Variants in TPR observed in about 807,000 individuals in gnomAD.
The protein encoded by TPR is nucleoprotein TPR.
TPR carries 51 observed loss-of-function variants against 316.1 expected under a neutral mutation model. The ratio of observed to expected loss-of-function variants is 0.16; its 90% CI spans 0.13 to 0.20. TPR has a LOEUF of 0.20. TPR is among the 10% of genes least tolerant of loss of function. TPR has a pLI of 1.00. For missense variants in TPR, 2,272 were observed against 2,754.8 expected (o/e 0.82, Z 3.92); for synonymous variants, 981 against 914.7 (o/e 1.07, Z -1.31).
At chr1:186,332,724 T>A (rs752063161) in intron 37 of TPR, among the ~76,000 whole-genome samples, 1 of 152,170 alleles carries the variant, frequency 6.6e-6, no homozygotes, top group Non-Finnish European at 1.5e-5. Flanking sequence ...GTACACTGTA[T>A]GTAAATCAGT....
intron 21 of TPR, among the ~76,000 whole-genome samples, chr1:186,348,640 C>A (rs533451466): frequency 6.6e-6 from 1 of 152,092 alleles, no homozygotes; most frequent in African/African-American, 2.4e-5. Context: ...GCCAGCATCA[C>A]GGTCCTAGAT....
intron 31 of TPR, 32 bp downstream of exon 31, chr1:186,338,001 T>A: frequency 1.3e-6 from 2 of 1,512,488 alleles, no homozygotes; most frequent in East Asian, 2.3e-5. Flanking sequence ...TCATCCTAGT[T>A]TTTTTTTGTA....
chr1:186,323,737 G>A lies in TPR; in HGVS notation c.6246C>T (p.Pro2082=), dbSNP rs1245547624. ...GTGGGGCATGAATGGTCAGTCTTGG[G>A]GGAAGTGGATGTGGTGGGCGTCTCG... ...QSPRRPPHPL[P]PRLTIHAPPQ... The change falls in exon 43 of 51, where the codon CCC becomes CCT. Residue 2082 remains proline (P), a synonymous_variant. Coordinates refer to ENST00000367478, the MANE Select transcript of TPR (RefSeq NM_003292.3). The A allele has an allele frequency of 4.6e-6, 7 of 1,537,676 alleles. No homozygotes were observed. The highest frequency in any genetic ancestry group is 4.3e-6 in the Non-Finnish European group (5 of 1,153,348).
At chr1:186,348,323 G>A (rs2101971901) in intron 21 of TPR, among the ~76,000 whole-genome samples, 2 of 152,218 alleles carry the variant, frequency 1.3e-5, no homozygotes, top group Non-Finnish European at 2.9e-5. Context: ...CTGGTCTCCT[G>A]CAGAACCCTC....
Position 186,314,008 on chromosome 1 carries a change from C to T in TPR, c.7055G>A (p.Gly2352Glu). ...NRQRGVSHAM[G>E]GRGGINRGNI... ...TCCTCTGTTTATTCCTCCTCTCCCT[C>T]CCATTGCATGGCTCACACCTGTAAA... Residue 2352 changes from glycine (G) to glutamate (E), a missense_variant, in exon 51 of 51, where the codon GGA (glycine) becomes GAA (glutamate). By Grantham distance (98) the Gly-to-Glu change is moderately conservative (BLOSUM62 -2). Coordinates refer to ENST00000367478, the MANE Select transcript of TPR (RefSeq NM_003292.3). The T allele has an allele frequency of 1.2e-6, 2 of 1,611,634 alleles. No individual in the cohort carries two copies. Among genetic ancestry groups the T allele is most frequent in the Non-Finnish European group, 1.7e-6 (2 of 1,179,334 alleles).
At chr1:186,366,839 AAACT>A in intron 4 of TPR, among the ~76,000 whole-genome samples, 1 of 151,980 alleles carries the variant, frequency 6.6e-6, no homozygotes, top group Non-Finnish European at 1.5e-5. Context: ...CATTTTTAAA[AAACT>A]ATCTATTAAA....
chr1:186,323,902 G>A (rs762313616), intron 42 of TPR, 32 bp from the exon 43 acceptor site: 1 of 1,512,302 alleles, frequency 6.6e-7, no homozygotes, highest in Non-Finnish European at 8.7e-7. Flanking sequence ...CTTTTGAACT[G>A]CTAAATTTAC....
chr1:186,366,865 T>G (rs1322164978), intron 4 of TPR, among the ~76,000 whole-genome samples: 1 of 152,014 alleles, frequency 6.6e-6, no homozygotes, highest in Non-Finnish European at 1.5e-5. Flanking sequence ...ATCTAGATTT[T>G]ATGAATTCGT....
In TPR at chr1:186,318,508, T is replaced by C. The variant is rs766953331; in HGVS notation, c.6760A>G (p.Thr2254Ala). The C allele has an allele frequency of 2.1e-5, 34 of 1,613,988 alleles. No individual in the cohort carries two copies. Among genetic ancestry groups the C allele is most frequent in the Non-Finnish European group, 2.8e-5 (33 of 1,180,024 alleles). The change falls in exon 48 of 51, where the codon ACA (threonine) becomes GCA (alanine). Residue 2254 changes from threonine to alanine, a missense_variant. This residue lies in a region of TPR where 123 missense variants were observed against 142.3 expected (regional missense o/e 0.86). Transcript: ENST00000367478. ...VTTSTGTLST[T>A]NETATGDDGD... ...TCATCACCTGTTGCTGTTTCATTTGTTGTAGATAAAGTGCCAGTGGATGTA... is the reference window on the plus strand; with the variant it reads ...TCATCACCTGTTGCTGTTTCATTTGCTGTAGATAAAGTGCCAGTGGATGTA...
intron 23 of TPR, among the ~76,000 whole-genome samples, chr1:186,345,929 T>C (rs1392081526): frequency 6.6e-6 from 1 of 152,152 alleles, no homozygotes; most frequent in Non-Finnish European, 1.5e-5. Flanking sequence ...AAAGAACCAG[T>C]GATACCTATT....
chr1:186,312,724 A>G lies in TPR; in HGVS notation c.*1247T>C. ...TGTCTGGCTCTTTCCAAGATAGTAC[A>G]TTGCCTTTTAATCTGGTATCTTTTA... On this transcript the variant is annotated 3_prime_UTR_variant, in exon 51 of 51. Transcript: ENST00000367478. The G allele has an allele frequency of 6.3e-7, 1 of 1,595,144 alleles. No homozygotes were observed. Among genetic ancestry groups the G allele is most frequent in the Non-Finnish European group, 8.6e-7 (1 of 1,163,086 alleles).
rs1157647726 is a variant in TPR at position 186,313,894 on chromosome 1, T to C, written c.*77A>G. Reference sequence around the variant, plus strand: ...GAGTATACCAGTTTATATATAAAAATGTTTTTAAACTTGACAATCATTACA... The same window carrying C: ...GAGTATACCAGTTTATATATAAAAACGTTTTTAAACTTGACAATCATTACA... On this transcript the variant is annotated 3_prime_UTR_variant, in exon 51 of 51. Transcript: ENST00000367478. The C allele has an allele frequency of 1.3e-5, 20 of 1,534,970 alleles. No individual in the cohort carries two copies. Among genetic ancestry groups the C allele is most frequent in the Non-Finnish European group, 1.7e-5 (19 of 1,110,384 alleles).
chr1:186,329,483 T>C (rs993305027), intron 39 of TPR, among the ~76,000 whole-genome samples: 4 of 152,150 alleles, frequency 2.6e-5, no homozygotes, highest in African/African-American at 9.7e-5. Context: ...TACAAAGGTG[T>C]ATACACACAG....
At chr1:186,347,006 C>T (rs950913717) in intron 22 of TPR, among the ~76,000 whole-genome samples, 1 of 152,190 alleles carries the variant, frequency 6.6e-6, no homozygotes, top group Non-Finnish European at 1.5e-5. Context: ...AATGCCATCT[C>T]TCTTGTGAAG....
intron 20 of TPR, among the ~76,000 whole-genome samples, chr1:186,350,592 A>C (rs1340530306): frequency 1.3e-5 from 2 of 152,148 alleles, no homozygotes; most frequent in Non-Finnish European, 2.9e-5. Flanking sequence ...GGTGAACCTT[A>C]GATTGCCTTA....
intron 18 of TPR, 133 bp from the exon 19 acceptor site, chr1:186,352,243 A>G (rs1231971344): frequency 5.4e-6 from 4 of 741,898 alleles, no homozygotes; most frequent in Non-Finnish European, 5.7e-6. Flanking sequence ...TCCTCATTGT[A>G]TAAGGAAATA....
Position 186,355,541 on chromosome 1 carries a change from C to G in TPR, c.2040G>C (p.Glu680Asp). 1 of 1,610,970 alleles carries G rather than the reference C, an allele frequency of 6.2e-7. No individual in the cohort carries two copies. Among genetic ancestry groups the G allele is most frequent in the Non-Finnish European group, 8.5e-7 (1 of 1,179,462 alleles). Residue 680 changes from glutamate (E) to aspartate (D), a missense_variant, in exon 17 of 51, where the codon GAG becomes GAC. By Grantham distance (45) the Glu-to-Asp change is conservative. Coordinates refer to ENST00000367478, the MANE Select transcript of TPR (RefSeq NM_003292.3). ...TTTCTGCTTTTTCTTTTTTGTAGTTCTCAAAAATTTCCTGCAACTAAATAT... is the reference window on the plus strand; with the variant it reads ...TTTCTGCTTTTTCTTTTTTGTAGTTGTCAAAAATTTCCTGCAACTAAATAT... Reference protein sequence around the residue: ...AALKQLQEIFENYKKEKAENE... With the variant: ...AALKQLQEIFDNYKKEKAENE...
intron 49 of TPR, among the ~76,000 whole-genome samples, chr1:186,315,543 T>C (rs941336901): frequency 6.6e-6 from 1 of 152,114 alleles, no homozygotes; most frequent in Non-Finnish European, 1.5e-5. Context: ...CATTACTATC[T>C]TTTCCTGACT....
rs544057889 is a variant in TPR at position 186,367,548 on chromosome 1, A to C, written c.427+338T>G. On this transcript the variant is annotated intron_variant, in intron 4 of 50. Transcript: ENST00000367478. ...CTTATTATATAGCAAGGATGTCCAT[A>C]TGAAATAAAGAACAGTAGTTCAGCC... Among the ~76,000 whole-genome samples the C allele has an allele frequency of 1.3e-3, 201 of 152,360 alleles. 1 individual carries two copies. The highest frequency in any genetic ancestry group is 4.6e-3 in the African/African-American group (191 of 41,586).
Sources: gnomAD v4.1 joint callset for allele counts (sites outside exome capture counted in the v4.1 genomes callset) on GRCh38, gnomAD v4.1.1 for gene constraint, gnomAD v4.1.1 regional missense constraint, MANE v1.5 for transcripts, NCBI Gene and HGNC (gene_info 2026-07-23, HGNC 2026-07-21) for gene names.